Variants in SLC35F1 observed in about 807,000 individuals in gnomAD.
The protein encoded by SLC35F1 is solute carrier family 35 member F1, also known as chromosome 6 open reading frame 169.
A neutral mutation model predicts 48.7 loss-of-function variants in SLC35F1; 14 were observed. The observed-to-expected ratio is 0.29, with a 90% CI of 0.19 to 0.45. The LOEUF (loss-of-function observed/expected upper bound fraction) is 0.45, where lower values mean the gene tolerates loss of function less well. Ranked by LOEUF, SLC35F1 falls within the 20% of genes least tolerant of loss-of-function variation. SLC35F1 has a pLI of 1.00. For synonymous variants in SLC35F1, 190 were observed against 202.2 expected (o/e 0.94, Z 0.51); for missense variants, 404 against 500.0 (o/e 0.81, Z 1.83).
chr6:117,975,689 T>C (rs1427163125), intron 1 of SLC35F1, among the ~76,000 whole-genome samples: 1 of 152,234 alleles, frequency 6.6e-6, no homozygotes, highest in East Asian at 1.9e-4. Flanking sequence ...AGGGAACTTA[T>C]TCTGTTCTAC....
At chr6:118,030,719 G>C (rs1772033099) in intron 1 of SLC35F1, among the ~76,000 whole-genome samples, 1 of 152,110 alleles carries the variant, frequency 6.6e-6, no homozygotes, top group Non-Finnish European at 1.5e-5. Flanking sequence ...AGATCTTTCT[G>C]CTAGGGATTC....
intron 1 of SLC35F1, among the ~76,000 whole-genome samples, chr6:118,136,962 A>C (rs930632862): frequency 1.3e-5 from 2 of 152,226 alleles, no homozygotes; most frequent in Admixed American, 6.5e-5. Flanking sequence ...GGCAATATCC[A>C]TTCCTTTATA....
chr6:118,061,590 G>GTATATATATATATATATATA (rs58046512), intron 1 of SLC35F1, among the ~76,000 whole-genome samples: 102 of 144,390 alleles, frequency 7.1e-4, no homozygotes, highest in African/African-American at 2.5e-3. Context: ...GTGTGTGTGT[G>GTATATATATATATATATATA]TATATATATA....
intron 2 of SLC35F1, among the ~76,000 whole-genome samples, chr6:118,157,620 T>C (rs1774165854): frequency 6.6e-6 from 1 of 152,094 alleles, no homozygotes; most frequent in Non-Finnish European, 1.5e-5. Context: ...AAATCACTGG[T>C]ATAAGTCCAA....
At chr6:118,004,225 G>C (rs1324677650) in intron 1 of SLC35F1, among the ~76,000 whole-genome samples, 1 of 152,106 alleles carries the variant, frequency 6.6e-6, no homozygotes, top group Non-Finnish European at 1.5e-5. Flanking sequence ...AGGTGTCTGA[G>C]AGTGCTCTTT....
At chr6:118,079,042 T>C (rs781093314) in intron 1 of SLC35F1, among the ~76,000 whole-genome samples, 5 of 152,258 alleles carry the variant, frequency 3.3e-5, no homozygotes, top group South Asian at 2.1e-4. Context: ...ATATGTAACA[T>C]AAAATTTAAG....
chr6:118,122,777 A>G (rs955988050), intron 1 of SLC35F1, among the ~76,000 whole-genome samples: 1 of 152,224 alleles, frequency 6.6e-6, no homozygotes, highest in African/African-American at 2.4e-5. Flanking sequence ...GGTTAATTCC[A>G]GACCCTGGCT....
At chr6:117,944,238 A>G (rs1776266618) in intron 1 of SLC35F1, among the ~76,000 whole-genome samples, 1 of 152,180 alleles carries the variant, frequency 6.6e-6, no homozygotes, top group Admixed American at 6.5e-5. Flanking sequence ...TCTGTTTGCT[A>G]TCAGTTTGCT....
intron 1 of SLC35F1, among the ~76,000 whole-genome samples, chr6:118,050,536 A>G (rs1299846956): frequency 6.6e-6 from 1 of 152,042 alleles, no homozygotes; most frequent in South Asian, 2.1e-4. Flanking sequence ...TATTGAAGTG[A>G]TAGCTAAGGA....
intron 1 of SLC35F1, among the ~76,000 whole-genome samples, chr6:117,974,371 G>T (rs1776680872): frequency 6.6e-6 from 1 of 152,106 alleles, no homozygotes; most frequent in Non-Finnish European, 1.5e-5. Flanking sequence ...AATTTTTATT[G>T]AATGGATGAA....
At chr6:118,000,808 GACAA>G (rs1237154083) in intron 1 of SLC35F1, among the ~76,000 whole-genome samples, 4 of 152,122 alleles carry the variant, frequency 2.6e-5, no homozygotes, top group Non-Finnish European at 4.4e-5. Flanking sequence ...ACCAGTAACA[GACAA>G]ACAGAGAGCC....
In SLC35F1 at chr6:118,042,475, A is replaced by G. The variant is rs895721991; in HGVS notation, c.174-111970A>G. On this transcript the variant is annotated intron_variant, in intron 1 of 7. Coordinates refer to ENST00000360388, the MANE Select transcript of SLC35F1 (RefSeq NM_001029858.4). The stretch of plus-strand genomic sequence containing the variant: ...TCAGACCCTGGGTCTGAATATGCAA[A>G]GACATCAAGACATGAGTGTGCCTTG... 7.9e-5 allele frequency among the ~76,000 whole-genome samples: 12 copies of G among 152,280 alleles called. No individual in the cohort carries two copies. The South Asian group carries it at 2.5e-3, about 32-fold the overall frequency.
At chr6:118,090,530 A>C (rs1773057549) in intron 1 of SLC35F1, among the ~76,000 whole-genome samples, 1 of 152,194 alleles carries the variant, frequency 6.6e-6, no homozygotes, top group African/African-American at 2.4e-5. Context: ...TGGAACCAAC[A>C]ATATAAATAC....
At chr6:118,161,904 C>G (rs1447682688) in intron 2 of SLC35F1, among the ~76,000 whole-genome samples, 1 of 152,230 alleles carries the variant, frequency 6.6e-6, no homozygotes, top group Non-Finnish European at 1.5e-5. Context: ...GCAACTGGAA[C>G]TCTCATATAC....
At chr6:118,292,718 A>G (rs1481990719) in intron 7 of SLC35F1, among the ~76,000 whole-genome samples, 1 of 152,002 alleles carries the variant, frequency 6.6e-6, no homozygotes, top group Non-Finnish European at 1.5e-5. Context: ...CACTCTTGGA[A>G]AAAATCCATT....
At chr6:118,077,078 T>TTCCA (rs1260182722) in intron 1 of SLC35F1, among the ~76,000 whole-genome samples, 1 of 152,250 alleles carries the variant, frequency 6.6e-6, no homozygotes, top group East Asian at 1.9e-4. Context: ...GATTAATCTT[T>TTCCA]GAAGAACTTA....
Position 117,907,449 on chromosome 6 carries a change from A to C in SLC35F1, c.-278A>C, listed in dbSNP as rs993104994. On this transcript the variant is annotated 5_prime_UTR_variant, in exon 1 of 8. Coordinates refer to ENST00000360388, the MANE Select transcript of SLC35F1 (RefSeq NM_001029858.4). ...TCGCAGCCACTTCGCGGGGCGGGCC[A>C]GGACTTGGGGACGCGGCTCGGGAAG... 8.7e-6 allele frequency: 2 copies of C among 230,108 alleles called. No individual in the cohort carries two copies. The highest frequency in any genetic ancestry group is 1.7e-5 in the Non-Finnish European group (2 of 120,830). 14.3% of individuals were successfully genotyped at this position (230,108 alleles called of 1,614,324 possible).
chr6:118,024,739 A>C (rs965812581), intron 1 of SLC35F1, among the ~76,000 whole-genome samples: 1 of 152,232 alleles, frequency 6.6e-6, no homozygotes, highest in Non-Finnish European at 1.5e-5. Flanking sequence ...ATTTGAAAGC[A>C]ACAATCTTAG....
At chr6:118,051,575 G>A (rs745410428) in intron 1 of SLC35F1, among the ~76,000 whole-genome samples, 5 of 152,110 alleles carry the variant, frequency 3.3e-5, no homozygotes, top group African/African-American at 4.8e-5. Context: ...TTGGGTAAGG[G>A]TGGGGTTATG....
Sources: allele counts gnomAD v4.1 joint callset (sites outside exome capture counted in the v4.1 genomes callset), GRCh38; gene constraint gnomAD v4.1.1; transcripts MANE v1.5; gene names NCBI Gene and HGNC (gene_info 2026-07-23, HGNC 2026-07-21).